Variants in GATAD2B observed in about 807,000 individuals in gnomAD.
GATAD2B encodes GATA zinc finger domain containing 2B, also known as transcriptional repressor p66-beta.
In GATAD2B, 8 loss-of-function variants were observed where a neutral mutation model predicts 64.3. The ratio of observed to expected loss-of-function variants is 0.12; its 90% CI spans 0.07 to 0.22. GATAD2B has a LOEUF of 0.22. Ranked by LOEUF, GATAD2B falls within the 10% of genes least tolerant of loss-of-function variation. The pLI is 1.00. For synonymous variants in GATAD2B, 281 were observed against 271.3 expected (o/e 1.04, Z -0.35); for missense variants, 453 against 752.0 (o/e 0.60, Z 4.65).
chr1:153,842,980 A>T (rs1362716124), intron 1 of GATAD2B, among the ~76,000 whole-genome samples: 6 of 121,160 alleles, frequency 5.0e-5, no homozygotes, highest in Non-Finnish European at 6.8e-5. Flanking sequence ...TTTGAGACAG[A>T]GTCTCGCTGT....
rs200345131 is a variant in GATAD2B, at chr1:153,821,841, C to T, written c.336-2106G>A. 2.0e-5 allele frequency among the ~76,000 whole-genome samples: 3 copies of T among 151,190 alleles called. No individual in the cohort carries two copies. The East Asian group carries it at 5.9e-4, about 30-fold the overall frequency. On this transcript the variant is annotated intron_variant, in intron 2 of 10. Transcript: ENST00000368655. Reference sequence around the variant, plus strand: ...TTGGCCTCCCAAAGTGTTGAGATTACAGGCATGAGCGACTGTGCCCGGCCT... The same window carrying T: ...TTGGCCTCCCAAAGTGTTGAGATTATAGGCATGAGCGACTGTGCCCGGCCT...
At chr1:153,817,234 A>G (rs1281026290) in intron 6 of GATAD2B, 138 bp downstream of exon 6, 3 of 771,144 alleles carry the variant, frequency 3.9e-6, no homozygotes, top group Admixed American at 3.4e-5. Context: ...ACTGCTCTCA[A>G]TTAAATCCCT....
chr1:153,908,782 GA>G (rs1553199454), intron 1 of GATAD2B, among the ~76,000 whole-genome samples: 547 of 31,868 alleles, frequency 0.017, 1 homozygote, highest in Admixed American at 0.026. Flanking sequence ...AACATACTTG[GA>G]AAAAAAAAAA....
chr1:153,818,490 AT>A (rs1483200048), intron 4 of GATAD2B, among the ~76,000 whole-genome samples: 2 of 151,424 alleles, frequency 1.3e-5, no homozygotes, highest in Admixed American at 1.3e-4. Context: ...AATTTTTTGT[AT>A]TTTTAGTAGA....
intron 1 of GATAD2B, among the ~76,000 whole-genome samples, chr1:153,845,879 T>A (rs1365606387): frequency 1.3e-5 from 2 of 152,062 alleles, no homozygotes; most frequent in Non-Finnish European, 2.9e-5. Flanking sequence ...AGACTGCAGT[T>A]TACCATGATT....
intron 1 of GATAD2B, among the ~76,000 whole-genome samples, chr1:153,862,935 G>A (rs1676362078): frequency 6.6e-6 from 1 of 150,518 alleles, no homozygotes; most frequent in African/African-American, 2.4e-5. Flanking sequence ...TGTTGGTCAG[G>A]CTGATCTCAA....
chr1:153,849,027 G>A (rs191828869), intron 1 of GATAD2B, among the ~76,000 whole-genome samples: 1 of 151,814 alleles, frequency 6.6e-6, no homozygotes. Flanking sequence ...GGGTGTGTGT[G>A]TTCTGTTTTG....
At chr1:153,870,313 G>GT (rs551747341) in intron 1 of GATAD2B, among the ~76,000 whole-genome samples, 9 of 152,134 alleles carry the variant, frequency 5.9e-5, no homozygotes, top group Non-Finnish European at 1.3e-4. Flanking sequence ...GCTCACGCCT[G>GT]TAATTCCAGC....
chr1:153,917,999 G>A (rs189673273), intron 1 of GATAD2B, among the ~76,000 whole-genome samples: 476 of 152,254 alleles, frequency 3.1e-3, no homozygotes, highest in African/African-American at 8.7e-3. Flanking sequence ...TTCTCTGTGG[G>A]GAAACCTAGC....
chr1:153,881,163 G>A (rs1009088820), intron 1 of GATAD2B, among the ~76,000 whole-genome samples: 9 of 152,076 alleles, frequency 5.9e-5, no homozygotes, highest in East Asian at 1.9e-4. Context: ...ACGAGCGCGC[G>A]CACATTCTCA....
At chr1:153,875,347 T>C (rs975040815) in intron 1 of GATAD2B, among the ~76,000 whole-genome samples, 11 of 151,880 alleles carry the variant, frequency 7.2e-5, no homozygotes, top group Non-Finnish European at 4.4e-5. Context: ...ACACTAAAGA[T>C]AGCTGATGAG....
At chr1:153,837,252 G>A (rs1675298409) in intron 1 of GATAD2B, among the ~76,000 whole-genome samples, 3 of 152,114 alleles carry the variant, frequency 2.0e-5, no homozygotes, top group South Asian at 4.1e-4. Flanking sequence ...CTACTTGGGA[G>A]GCTGGTGTGG....
In GATAD2B at chr1:153,817,385, A is replaced by T; in HGVS notation, c.887T>A (p.Ile296Asn). The T allele has an allele frequency of 6.4e-7, 1 of 1,570,564 alleles. No homozygotes were observed. The highest frequency in any genetic ancestry group is 1.2e-5 in the South Asian group (1 of 84,088). Residue 296 changes from isoleucine to asparagine, a missense_variant, in exon 6 of 11, where the codon ATC becomes AAC. Ile to Asn is a moderately radical substitution (Grantham distance 149, BLOSUM62 -3). This residue lies in a region of GATAD2B where 293 missense variants were observed against 417.2 expected (regional missense o/e 0.70). Coordinates refer to ENST00000368655, the MANE Select transcript of GATAD2B (RefSeq NM_020699.4). ...GCTCTCTCTTACCGGTTGATAATTG[A>T]TGGCGGGATTCATGTTGGGTGTTGT... ...RTTTPNMNPA[I>N]NYQPQSSSSV... is the part of the protein sequence containing the mutation.
At chr1:153,876,250 A>AAAAAAAAAAAAAAAAAAAAAAAAAAAAT (rs1676829989) in intron 1 of GATAD2B, among the ~76,000 whole-genome samples, 1 of 148,688 alleles carries the variant, frequency 6.7e-6, no homozygotes, top group Non-Finnish European at 1.5e-5. Flanking sequence ...AAAAAAAAAA[A>AAAAAAAAAAAAAAAAAAAAAAAAAAAAT]AAAAAAAAAA....
chr1:153,852,526 C>A (rs183017881), intron 1 of GATAD2B: 11 of 766,346 alleles, frequency 1.4e-5, no homozygotes, highest in South Asian at 1.3e-4. Flanking sequence ...TCAGTATCAT[C>A]GTATCCAATA....
chr1:153,845,856 G>T (rs1224046893), intron 1 of GATAD2B, among the ~76,000 whole-genome samples: 2 of 152,152 alleles, frequency 1.3e-5, no homozygotes, highest in East Asian at 3.9e-4. Flanking sequence ...GATTGTTTAA[G>T]CTCTGGTGTT....
At chr1:153,851,017 T>A in intron 1 of GATAD2B, among the ~76,000 whole-genome samples, 1 of 152,186 alleles carries the variant, frequency 6.6e-6, no homozygotes, top group Non-Finnish European at 1.5e-5. Flanking sequence ...TACATTAATG[T>A]TGACTATAGG....
rs746179371 is a variant in GATAD2B at position 153,807,889 on chromosome 1, T to C, written c.*2288A>G. 6.6e-6 allele frequency: 1 copy of C among 152,384 alleles called. No individual in the cohort carries two copies. Among genetic ancestry groups the C allele is most frequent in the Admixed American group, 6.6e-5 (1 of 15,260 alleles). 9.4% of individuals were successfully genotyped at this position (152,384 alleles called of 1,614,324 possible). A position where few individuals can be genotyped will look rare whatever the true frequency, so the allele number is the denominator to read the frequency against. On this transcript the variant is annotated 3_prime_UTR_variant, in exon 11 of 11. Coordinates refer to ENST00000368655, the MANE Select transcript of GATAD2B (RefSeq NM_020699.4). Reference sequence around the variant, plus strand: ...ACGTAACAGAAATGGCACTTCATCATGAGGGAGGGAGGAAGAGGCTAGACA... The same window carrying C: ...ACGTAACAGAAATGGCACTTCATCACGAGGGAGGGAGGAAGAGGCTAGACA...
At chr1:153,840,467 A>C (rs1675444653) in intron 1 of GATAD2B, among the ~76,000 whole-genome samples, 1 of 151,868 alleles carries the variant, frequency 6.6e-6, no homozygotes, top group African/African-American at 2.4e-5. Context: ...CCTCCCGAGT[A>C]GCTAGGATTA....
Sources: allele counts gnomAD v4.1 joint callset (sites outside exome capture counted in the v4.1 genomes callset), GRCh38; gene constraint gnomAD v4.1.1; regional missense constraint gnomAD v4.1.1; transcripts MANE v1.5; gene names NCBI Gene and HGNC (gene_info 2026-07-23, HGNC 2026-07-21).